The following DLGAP2 variants were observed in gnomAD, a reference collection of about 807,000 sequenced individuals.
DLGAP2 encodes disks large-associated protein 2.
A neutral mutation model predicts 100.3 loss-of-function variants in DLGAP2; 26 were observed. The ratio of observed to expected loss-of-function variants is 0.26; its 90% CI spans 0.19 to 0.36. The LOEUF is 0.36. Among genes scored for constraint, DLGAP2 ranks in the 10% least tolerant of loss-of-function variants. The pLI is 1.00. For synonymous variants in DLGAP2, 886 were observed against 630.1 expected (o/e 1.41, Z -6.08); for missense variants, 1,858 against 1,453.2 (o/e 1.28, Z -4.53).
intron 2 of DLGAP2, chr8:1,003,266 ACTCCT>A (rs1335421703): frequency 2.0e-5 from 3 of 151,792 alleles, no homozygotes; most frequent in African/African-American, 7.3e-5. Flanking sequence ...CTCTTCCTTC[ACTCCT>A]GCATCCCATC....
At chr8:1,627,231 C>T (rs1392842195) in intron 7 of DLGAP2, among the ~76,000 whole-genome samples, 1 of 152,248 alleles carries the variant, frequency 6.6e-6, no homozygotes, top group Non-Finnish European at 1.5e-5. Flanking sequence ...CAGGGAAAGG[C>T]TCTGGCAGCA....
chr8:772,348 A>T (rs1821385706), intron 1 of DLGAP2, among the ~76,000 whole-genome samples: 1 of 151,282 alleles, frequency 6.6e-6, no homozygotes, highest in Non-Finnish European at 1.5e-5. Context: ...TTTGAGACAG[A>T]GTCTTGCTCT....
intron 3 of DLGAP2, among the ~76,000 whole-genome samples, chr8:1,344,610 T>A (rs1028357962): frequency 6.6e-6 from 1 of 152,210 alleles, no homozygotes; most frequent in African/African-American, 2.4e-5. Context: ...TACCTCTGTG[T>A]TCAGGAAAAC....
intron 4 of DLGAP2, among the ~76,000 whole-genome samples, chr8:1,544,624 T>C (rs1563211583): frequency 6.6e-6 from 1 of 152,328 alleles, no homozygotes; most frequent in Non-Finnish European, 1.5e-5. Context: ...ATTACATTGA[T>C]TGATTTTCCT....
chr8:771,486 G>C (rs552025781), intron 1 of DLGAP2, among the ~76,000 whole-genome samples: 87 of 152,342 alleles, frequency 5.7e-4, no homozygotes, highest in African/African-American at 1.9e-3. Flanking sequence ...GTCTAAGGCA[G>C]GCCGGCTAGC....
chr8:1,465,997 A>G (rs963953432), intron 3 of DLGAP2, among the ~76,000 whole-genome samples: 1 of 152,214 alleles, frequency 6.6e-6, no homozygotes. Context: ...CCAACGTTAC[A>G]GCAGAGGCCG....
At chr8:1,104,941 C>T (rs906648606) in intron 2 of DLGAP2, 1 of 152,218 alleles carries the variant, frequency 6.6e-6, no homozygotes, top group Non-Finnish European at 1.5e-5. Flanking sequence ...TCTGCCATCT[C>T]GTGCTCGCCT....
At chr8:1,000,653 G>A (rs867269572) in intron 2 of DLGAP2, among the ~76,000 whole-genome samples, 6 of 152,178 alleles carry the variant, frequency 3.9e-5, no homozygotes, top group Admixed American at 6.5e-5. Context: ...TTTTCCTCTT[G>A]GTTATGAACT....
chr8:835,475 C>G (rs1210607254), intron 1 of DLGAP2, among the ~76,000 whole-genome samples: 1 of 151,558 alleles, frequency 6.6e-6, no homozygotes, highest in Non-Finnish European at 1.5e-5. Context: ...ATGCTCCCCA[C>G]CCCACCCCTC....
chr8:1,117,690 C>T (rs1191912685), intron 2 of DLGAP2, among the ~76,000 whole-genome samples: 2 of 152,080 alleles, frequency 1.3e-5, no homozygotes, highest in Non-Finnish European at 2.9e-5. Context: ...GAGGGGAGGG[C>T]AGTAGAGAGG....
intron 2 of DLGAP2, among the ~76,000 whole-genome samples, chr8:1,156,516 G>C (rs527321953): frequency 6.6e-4 from 100 of 151,936 alleles, no homozygotes; most frequent in Middle Eastern, 3.4e-3. Flanking sequence ...GAAGTCAGGC[G>C]TCTTTAGGAG....
chr8:1,183,764 T>C (rs1480289192), intron 2 of DLGAP2, among the ~76,000 whole-genome samples: 1 of 152,234 alleles, frequency 6.6e-6, no homozygotes, highest in African/African-American at 2.4e-5. Flanking sequence ...ATGTCTGCTC[T>C]TTTTGAATCA....
At chr8:1,312,578 C>G (rs539724484) in intron 3 of DLGAP2, among the ~76,000 whole-genome samples, 2 of 152,242 alleles carry the variant, frequency 1.3e-5, no homozygotes, top group African/African-American at 4.8e-5. Flanking sequence ...TATAGAGGTT[C>G]TATTTGGACA....
At chr8:1,444,484 T>C (rs532818941) in intron 3 of DLGAP2, among the ~76,000 whole-genome samples, 1 of 152,326 alleles carries the variant, frequency 6.6e-6, no homozygotes, top group East Asian at 1.9e-4. Context: ...TTCATCTGCC[T>C]TCATTTGCAT....
chr8:781,048 G>C (rs1021187508), intron 1 of DLGAP2, among the ~76,000 whole-genome samples: 1 of 152,162 alleles, frequency 6.6e-6, no homozygotes. Flanking sequence ...CTTTGTTTCA[G>C]CCCAGGCATG....
chr8:1,209,086 G>A (rs1257837828), intron 2 of DLGAP2, among the ~76,000 whole-genome samples: 1 of 151,878 alleles, frequency 6.6e-6, no homozygotes, highest in East Asian at 1.9e-4. Context: ...CAAACACAAT[G>A]GATAAATTCA....
At chr8:750,285 C>G (rs1820757982) in intron 1 of DLGAP2, among the ~76,000 whole-genome samples, 1 of 152,142 alleles carries the variant, frequency 6.6e-6, no homozygotes, top group Non-Finnish European at 1.5e-5. Flanking sequence ...GAGGGGAGGT[C>G]AAGGCGATTG....
intron 4 of DLGAP2, among the ~76,000 whole-genome samples, chr8:1,520,395 C>T (rs1003961113): frequency 6.6e-5 from 10 of 152,194 alleles, no homozygotes; most frequent in African/African-American, 2.4e-4. Flanking sequence ...TGGCGTGGTG[C>T]ATCTGTCACA....
chr8:1,443,214 C>T lies in DLGAP2; in HGVS notation c.107-58152C>T, dbSNP rs184377806. Among the ~76,000 whole-genome samples the T allele has an allele frequency of 2.8e-3, 426 of 152,284 alleles. 1 individual carries two copies. Among genetic ancestry groups the T allele is most frequent in the Middle Eastern group, 0.02 (6 of 294 alleles). On this transcript the variant is annotated intron_variant, in intron 3 of 14. Transcript: ENST00000637795. ...AAAAGATATTGACATATAATCCCAG[C>T]GCCCAGCCTTCCCTCCACTGCCCAC...
Sources: allele counts gnomAD v4.1 joint callset (sites outside exome capture counted in the v4.1 genomes callset), GRCh38; gene constraint gnomAD v4.1.1; transcripts MANE v1.5; gene names NCBI Gene and HGNC (gene_info 2026-07-23, HGNC 2026-07-21).